RYR2: variants seen among roughly 807,000 people sequenced by gnomAD.
RYR2 encodes the protein ryanodine receptor 2.
Under a neutral mutation model 601.1 loss-of-function variants are expected in RYR2, and 227 were observed. That is an observed-to-expected ratio of 0.38 (90% confidence interval 0.34 to 0.42). The LOEUF (loss-of-function observed/expected upper bound fraction) is 0.42. Ranked by LOEUF, RYR2 falls within the 10% of genes least tolerant of loss-of-function variation. The pLI is 1.00. For synonymous variants in RYR2, 2,223 were observed against 2,175.1 expected (o/e 1.02, Z -0.61); for missense variants, 4,646 against 6,156.5 (o/e 0.75, Z 8.21).
chr1:237,594,168 T>C (rs571452413), intron 33 of RYR2, among the ~76,000 whole-genome samples: 1 of 152,292 alleles, frequency 6.6e-6, no homozygotes, highest in Admixed American at 6.5e-5. Context: ...TTTTTTTCAT[T>C]TGTAAAACAA....
At chr1:237,586,804 C>T (rs1391263449) in intron 29 of RYR2, among the ~76,000 whole-genome samples, 1 of 152,028 alleles carries the variant, frequency 6.6e-6, no homozygotes, top group East Asian at 1.9e-4. Context: ...ACTGCAATGT[C>T]CACTTCCCAG....
chr1:237,637,621 G>C (rs184525904), intron 44 of RYR2, among the ~76,000 whole-genome samples: 26 of 152,252 alleles, frequency 1.7e-4, no homozygotes, highest in East Asian at 9.6e-4. Context: ...TCTCACACCT[G>C]CTTCCCCATT....
chr1:237,156,514 C>T (rs556742715), intron 1 of RYR2, among the ~76,000 whole-genome samples: 1 of 152,274 alleles, frequency 6.6e-6, no homozygotes, highest in African/African-American at 2.4e-5. Flanking sequence ...TAAGAAAATG[C>T]ACAACTACCT....
intron 63 of RYR2, 75 bp downstream of exon 63, chr1:237,687,579 G>A: frequency 9.0e-7 from 1 of 1,112,340 alleles, no homozygotes. Flanking sequence ...TGTGTTGTGT[G>A]CTGCTATGTT....
chr1:237,499,309 G>C (rs576870466), intron 20 of RYR2, among the ~76,000 whole-genome samples: 16 of 152,150 alleles, frequency 1.1e-4, no homozygotes, highest in African/African-American at 3.9e-4. Context: ...TGGGAATCCA[G>C]GTCCCAGGTG....
intron 35 of RYR2, among the ~76,000 whole-genome samples, chr1:237,608,720 A>G (rs1000906463): frequency 2.6e-5 from 4 of 151,360 alleles, no homozygotes; most frequent in African/African-American, 7.3e-5. Flanking sequence ...ATATTAAAAA[A>G]TGATGAGAGG....
At chr1:237,375,313 C>A (rs76159256) in intron 7 of RYR2, among the ~76,000 whole-genome samples, 1,586 of 152,158 alleles carry the variant, frequency 0.01, 19 homozygotes, top group Non-Finnish European at 0.014. Flanking sequence ...TTTGGAGAAT[C>A]AAAATAGGAG....
rs903446046 is a variant in RYR2, at chr1:237,727,131, A to G, written c.10770A>G (p.Leu3590=). 10 of 1,605,658 alleles carry G rather than the reference A, an allele frequency of 6.2e-6. No homozygotes were observed. The highest frequency in any genetic ancestry group is 7.7e-6 in the Non-Finnish European group (9 of 1,173,090). ...CTAAAAAGGCTGTATGGCATAAACT[A>G]CTGTCCAAGCAGAGGAAAAGGGCTG... ...QRSKKAVWHK[L]LSKQRKRAVV... The change falls in exon 76 of 105, where the codon CTA becomes CTG. Residue 3590 remains leucine (L), a synonymous_variant. Coordinates refer to ENST00000366574, the MANE Select transcript of RYR2 (RefSeq NM_001035.3).
chr1:237,109,246 CAT>C (rs906162229), intron 1 of RYR2, among the ~76,000 whole-genome samples: 1 of 151,260 alleles, frequency 6.6e-6, no homozygotes, highest in Non-Finnish European at 1.5e-5. Context: ...TAATTACAGT[CAT>C]AGGTTGCAAA....
At chr1:237,546,993 A>ATATATATATATATATATATATATATATT (rs746133377) in intron 25 of RYR2, among the ~76,000 whole-genome samples, 11 of 127,386 alleles carry the variant, frequency 8.6e-5, no homozygotes, top group Non-Finnish European at 1.1e-4. Flanking sequence ...ATATATATAT[A>ATATATATATATATATATATATATATATT]TATTTATTTA....
rs1041564863 is a variant in RYR2, at chr1:237,784,348, C to T, written c.12636C>T (p.Asn4212=). 6.2e-7 allele frequency: 1 copy of T among 1,613,756 alleles called. No homozygotes were observed. The highest frequency in any genetic ancestry group is 1.1e-5 in the South Asian group (1 of 91,056). Residue 4212 remains asparagine, a synonymous_variant, in exon 90 of 105, where the codon AAC becomes AAT. Transcript: ENST00000366574. This position sits in a 1 kb window ranked among gnomAD's most constrained non-coding sequence, Gnocchi z 7.1. ...CTCAGATCTCGGAGTCGGACTTGAA[C>T]GAGAGGTCAGCGAATAAGGAAGAAA... ...LAAQISESDL[N]ERSANKEESE...
chr1:237,100,390 C>CCT (rs34925489), intron 1 of RYR2, among the ~76,000 whole-genome samples: 54,597 of 146,024 alleles, frequency 0.37, 11,490 homozygotes, highest in Non-Finnish European at 0.48. Context: ...TTTTTTCTTT[C>CCT]CTCTCTCTCT....
At chr1:237,454,356 A>T in intron 14 of RYR2, 35 bp from the exon 15 acceptor site, 1 of 1,556,998 alleles carries the variant, frequency 6.4e-7, no homozygotes, top group Non-Finnish European at 8.7e-7. Flanking sequence ...ATTGTGAATC[A>T]CTGACAATAG....
chr1:237,310,565 C>CT (rs1224794856), intron 2 of RYR2, among the ~76,000 whole-genome samples: 1 of 152,174 alleles, frequency 6.6e-6, no homozygotes, highest in Admixed American at 6.5e-5. Flanking sequence ...TACCCTACCT[C>CT]TTTCCCCTCC....
At chr1:237,485,863 G>C (rs1161509716) in intron 17 of RYR2, among the ~76,000 whole-genome samples, 2 of 152,210 alleles carry the variant, frequency 1.3e-5, no homozygotes, top group Non-Finnish European at 2.9e-5. Flanking sequence ...TTTGACCTTG[G>C]AAGGTCTGGG....
rs150829125 is a variant in RYR2 at position 237,365,378 on chromosome 1, C to A, written c.309+1006C>A. 3.0e-3 allele frequency among the ~76,000 whole-genome samples: 451 copies of A among 152,304 alleles called. 2 individuals carry two copies. The highest frequency in any genetic ancestry group is 0.01 in the African/African-American group (419 of 41,570). ...TGAACCAGGTGCATTGTGGGACACC[C>A]TAACCTGGACCTGTTCACTACCAGT... On this transcript the variant is annotated intron_variant, in intron 5 of 104. Coordinates refer to ENST00000366574, the MANE Select transcript of RYR2 (RefSeq NM_001035.3).
At chr1:237,291,693 A>G (rs943429425) in intron 2 of RYR2, among the ~76,000 whole-genome samples, 5 of 152,240 alleles carry the variant, frequency 3.3e-5, no homozygotes, top group Admixed American at 6.5e-5. Context: ...AAAAGGCTAC[A>G]TAATACGACA....
rs903915339 is a variant in RYR2 at position 237,646,917 on chromosome 1, G to A, written c.7343-1527G>A. ...ATAAAACAGCAACTTGAGCCAATCC[G>A]TGAGTCTTGAGTTACAGGCAGATGC... On this transcript the variant is annotated intron_variant, in intron 48 of 104. Coordinates refer to ENST00000366574, the MANE Select transcript of RYR2 (RefSeq NM_001035.3). Among the ~76,000 whole-genome samples, 7 of 152,288 alleles carry A rather than the reference G, an allele frequency of 4.6e-5. No individual in the cohort carries two copies. The South Asian group carries it at 1.0e-3, about 23-fold the overall frequency.
chr1:237,701,976 A>T lies in RYR2; in HGVS notation c.9368-2A>T. On this transcript the variant is annotated splice_acceptor_variant, in intron 65 of 104. Transcript: ENST00000366574. LOFTEE classifies it high-confidence loss of function. ...TTCAAGTGAGATTCTCTTTTTCCTT[A>T]GTGGAAGATGTCCAGGTGTCTTGTT... 1 of 1,567,194 alleles carries T rather than the reference A, an allele frequency of 6.4e-7. No homozygotes were observed. Among genetic ancestry groups the T allele is most frequent in the East Asian group, 2.2e-5 (1 of 44,564 alleles).
Sources: allele counts gnomAD v4.1 joint callset (sites outside exome capture counted in the v4.1 genomes callset), GRCh38; gene constraint gnomAD v4.1.1; non-coding constraint Gnocchi (gnomAD v3.1); transcripts MANE v1.5; gene names NCBI Gene and HGNC (gene_info 2026-07-23, HGNC 2026-07-21).